GNB1: variants seen among roughly 807,000 people sequenced by gnomAD.
The protein encoded by GNB1 is G protein subunit beta 1, also known as guanine nucleotide-binding protein G(I)/G(S)/G(T) subunit beta-1.
Under a neutral mutation model 42.9 loss-of-function variants are expected in GNB1, and 2 were observed. The observed-to-expected ratio is 0.05, with a 90% CI of 0.02 to 0.15. The LOEUF is 0.15. Ranked by LOEUF, GNB1 falls within the 10% of genes least tolerant of loss-of-function variation. The pLI is 1.00. For missense variants in GNB1, 193 were observed against 462.2 expected (o/e 0.42, Z 5.34); for synonymous variants, 183 against 174.7 (o/e 1.05, Z -0.38).
Position 1,860,057 on chromosome 1 carries a change from A to T in GNB1, c.-95-20819T>A, listed in dbSNP as rs939415033. ...TGTACCCTAGAACTTAAAGTATAAT[A>T]AAAAAAAAGTAAACAAAGAAGAAGT... On this transcript the variant is annotated intron_variant, in intron 1 of 11. Transcript: ENST00000378609. Among the ~76,000 whole-genome samples the T allele has an allele frequency of 1.6e-4, 24 of 149,146 alleles. 1 individual carries two copies. The highest frequency in any genetic ancestry group is 1.2e-3 in the East Asian group (6 of 5,158).
chr1:1,865,355 G>A (rs1467378696), intron 1 of GNB1, among the ~76,000 whole-genome samples: 3 of 150,454 alleles, frequency 2.0e-5, no homozygotes, highest in Non-Finnish European at 4.4e-5. Flanking sequence ...GAGAGGCCGA[G>A]GAGGGCGGAT....
At chr1:1,789,485 G>A (rs1045559036) in intron 9 of GNB1, among the ~76,000 whole-genome samples, 12 of 152,172 alleles carry the variant, frequency 7.9e-5, no homozygotes, top group African/African-American at 2.4e-4. Flanking sequence ...CTGAGATGGG[G>A]AGTTTGAGAC....
intron 7 of GNB1, among the ~76,000 whole-genome samples, chr1:1,798,563 T>C (rs1646577948): frequency 6.6e-6 from 1 of 152,164 alleles, no homozygotes; most frequent in African/African-American, 2.4e-5. Context: ...TTGATCAGAA[T>C]GATCCAGGCA....
intron 1 of GNB1, among the ~76,000 whole-genome samples, chr1:1,863,022 T>C (rs1411940278): frequency 6.6e-6 from 1 of 152,192 alleles, no homozygotes; most frequent in Non-Finnish European, 1.5e-5. Context: ...AGCACAGTGC[T>C]AGACCCAGGC....
chr1:1,846,305 G>A (rs1570706992), intron 1 of GNB1, among the ~76,000 whole-genome samples: 2 of 152,254 alleles, frequency 1.3e-5, no homozygotes, highest in Admixed American at 1.3e-4. Context: ...AGTGGCTCAT[G>A]TCTGTAATCT....
chr1:1,874,691 T>C (rs1218383209), intron 1 of GNB1, among the ~76,000 whole-genome samples: 1 of 149,166 alleles, frequency 6.7e-6, no homozygotes, highest in African/African-American at 2.5e-5. Flanking sequence ...CTTGGGAGAC[T>C]GAGACAGGAG....
chr1:1,885,836 G>C (rs1176607813), intron 1 of GNB1, among the ~76,000 whole-genome samples: 1 of 149,656 alleles, frequency 6.7e-6, no homozygotes, highest in Non-Finnish European at 1.5e-5. Flanking sequence ...GGGATTACAG[G>C]CGTGAGCCAC....
At position 1,805,830 on chromosome 1, in the gene GNB1, C is replaced by T. The variant is rs547841310; in HGVS notation, c.267+645G>A. The stretch of plus-strand genomic sequence containing the variant: ...ATGCTGGAATTACAGGTGTGAGCCA[C>T]GGCGCCCAGCCGAAAACAAAAGATT... On this transcript the variant is annotated intron_variant, in intron 6 of 11. Transcript: ENST00000378609. 1.6e-3 allele frequency among the ~76,000 whole-genome samples: 251 copies of T among 152,202 alleles called. 1 individual carries two copies. The Middle Eastern group carries it at 0.037, about 23-fold the overall frequency.
At chr1:1,829,853 C>T (rs1019275777) in intron 2 of GNB1, among the ~76,000 whole-genome samples, 1 of 152,120 alleles carries the variant, frequency 6.6e-6, no homozygotes, top group African/African-American at 2.4e-5. Flanking sequence ...ATTCTTTTGC[C>T]TCAGCCTCCC....
intron 2 of GNB1, among the ~76,000 whole-genome samples, chr1:1,829,745 CT>C (rs747988913): frequency 3.4e-5 from 5 of 149,240 alleles, no homozygotes; most frequent in East Asian, 3.9e-4. Context: ...CATCTTTTTT[CT>C]TTTTTTTTTG....
chr1:1,832,449 T>C (rs1266939839), intron 2 of GNB1, among the ~76,000 whole-genome samples: 2 of 152,216 alleles, frequency 1.3e-5, no homozygotes, highest in African/African-American at 2.4e-5. Flanking sequence ...ATATCTGCCA[T>C]TGGCTTTTAT....
chr1:1,844,063 C>T (rs558369813), intron 1 of GNB1, among the ~76,000 whole-genome samples: 73 of 151,988 alleles, frequency 4.8e-4, no homozygotes, highest in African/African-American at 1.7e-3. Context: ...GGCGTGGTGG[C>T]GGGTGCCTGT....
intron 1 of GNB1, among the ~76,000 whole-genome samples, chr1:1,872,891 T>C (rs1649326428): frequency 6.6e-6 from 1 of 152,112 alleles, no homozygotes; most frequent in African/African-American, 2.4e-5. Flanking sequence ...AAGAGTTCAC[T>C]CCATCCCACA....
chr1:1,785,348 C>T lies in GNB1; in HGVS notation c.*1715G>A, dbSNP rs960770457. 6.6e-6 allele frequency: 1 copy of T among 152,658 alleles called. No individual in the cohort carries two copies. Among genetic ancestry groups the T allele is most frequent in the African/African-American group, 2.4e-5 (1 of 41,444 alleles). The allele number at this position is 152,658 out of a possible 1,614,324, so 9.5% of individuals were successfully genotyped here. On this transcript the variant is annotated 3_prime_UTR_variant, in exon 12 of 12. Coordinates refer to ENST00000378609, the MANE Select transcript of GNB1 (RefSeq NM_002074.5). ...CAGTACAGTTTAATATAGTATCTATCTTGCATCCAGCTTCCTTGCAGTACA... is the reference window on the plus strand; with the variant it reads ...CAGTACAGTTTAATATAGTATCTATTTTGCATCCAGCTTCCTTGCAGTACA...
chr1:1,820,388 T>C (rs959577736), intron 3 of GNB1, among the ~76,000 whole-genome samples: 1 of 140,278 alleles, frequency 7.1e-6, no homozygotes, highest in Non-Finnish European at 1.5e-5. Context: ...AAAGGAACTA[T>C]ACTGAGATTA....
Position 1,812,253 on chromosome 1 carries a change from A to C in GNB1, c.203+3503T>G, listed in dbSNP as rs575885463. Among the ~76,000 whole-genome samples the C allele has an allele frequency of 2.0e-5, 3 of 152,208 alleles. No individual in the cohort carries two copies. The South Asian group carries it at 6.2e-4, about 32-fold the overall frequency. ...TAGGAGAAATACCTATGTAAATGAC[A>C]AGTTAACAGGTGCAGCAAACCAACA... On this transcript the variant is annotated intron_variant, in intron 5 of 11. Coordinates refer to ENST00000378609, the MANE Select transcript of GNB1 (RefSeq NM_002074.5).
At chr1:1,860,742 A>G (rs1648578094) in intron 1 of GNB1, among the ~76,000 whole-genome samples, 1 of 151,498 alleles carries the variant, frequency 6.6e-6, no homozygotes, top group South Asian at 2.1e-4. Flanking sequence ...GAGTCCCCAC[A>G]AACCGACCAG....
At chr1:1,826,910 G>A (rs1647006905) in intron 2 of GNB1, among the ~76,000 whole-genome samples, 1 of 152,168 alleles carries the variant, frequency 6.6e-6, no homozygotes, top group African/African-American at 2.4e-5. Flanking sequence ...TGGCTGTTAA[G>A]TATGACTCAA....
At chr1:1,872,003 C>A (rs920212974) in intron 1 of GNB1, among the ~76,000 whole-genome samples, 5 of 145,894 alleles carry the variant, frequency 3.4e-5, no homozygotes, top group Non-Finnish European at 6.1e-5. Flanking sequence ...AATCTTTTTT[C>A]TTTTTTTTTT....
Sources: gnomAD v4.1 joint callset for allele counts (sites outside exome capture counted in the v4.1 genomes callset) on GRCh38, gnomAD v4.1.1 for gene constraint, MANE v1.5 for transcripts, NCBI Gene and HGNC (gene_info 2026-07-23, HGNC 2026-07-21) for gene names.